The following FBXO42 variants were observed in gnomAD, a reference collection of about 807,000 sequenced individuals.
FBXO42 encodes F-box only protein 42.
In FBXO42, 12 loss-of-function variants were observed where a neutral mutation model predicts 71.7. That is an observed-to-expected ratio of 0.17 (90% CI 0.11 to 0.27). FBXO42 has a LOEUF of 0.27. FBXO42 is among the 10% of genes least tolerant of loss of function. The pLI is 1.00. For synonymous variants in FBXO42, 325 were observed against 327.5 expected, an observed-to-expected ratio of 0.99 and a Z score of 0.08; for missense variants, 707 against 911.9, an observed-to-expected ratio of 0.78 and a Z score of 2.89.
intron 3 of FBXO42, 39 bp from the exon 4 acceptor site, chr1:16,294,956 T>C (rs1557588872): frequency 1.3e-6 from 2 of 1,552,450 alleles, no homozygotes; most frequent in Non-Finnish European, 1.7e-6. Context: ...GTGAAAATTC[T>C]GAGGCCCTTC....
intron 4 of FBXO42, among the ~76,000 whole-genome samples, chr1:16,271,677 ACT>A (rs1179379263): frequency 2.0e-5 from 3 of 151,750 alleles, no homozygotes; most frequent in African/African-American, 4.8e-5. Context: ...AACATGCCAA[ACT>A]CTCTTACCTC....
Position 16,256,600 on chromosome 1 carries a change from A to C in FBXO42, c.656+6T>G. 6.2e-7 allele frequency: 1 copy of C among 1,613,154 alleles called. No homozygotes were observed. On this transcript the variant is annotated splice_donor_region_variant and intron_variant, in intron 5 of 9. Transcript: ENST00000375592. ...CAGATTTAAAGAGTTTATCTTTGTG[A>C]CTTACCAATTTTTAGAGGGTGAGTA...
intron 1 of FBXO42, among the ~76,000 whole-genome samples, chr1:16,339,397 C>T (rs1184161854): frequency 6.6e-6 from 1 of 152,144 alleles, no homozygotes; most frequent in Non-Finnish European, 1.5e-5. Context: ...ACTGCAACCT[C>T]CGCCACCTGG....
chr1:16,253,752 G>T, intron 6 of FBXO42, 21 bp from the exon 7 acceptor site: 2 of 1,610,778 alleles, frequency 1.2e-6, no homozygotes, highest in Non-Finnish European at 1.7e-6. Flanking sequence ...AGGACAGAAG[G>T]ATAAAGGTAG....
chr1:16,330,050 C>CCTT (rs1343567280), intron 1 of FBXO42, among the ~76,000 whole-genome samples: 1 of 152,210 alleles, frequency 6.6e-6, no homozygotes, highest in Non-Finnish European at 1.5e-5. Flanking sequence ...ATTTCCCCTA[C>CCTT]CTTCCTAACT....
chr1:16,328,866 A>G (rs1460344855), intron 1 of FBXO42, among the ~76,000 whole-genome samples: 1 of 152,140 alleles, frequency 6.6e-6, no homozygotes, highest in Non-Finnish European at 1.5e-5. Flanking sequence ...ACAAAACAAA[A>G]GAAAATTGAT....
chr1:16,307,144 A>G (rs1427702810), intron 2 of FBXO42, among the ~76,000 whole-genome samples: 2 of 152,234 alleles, frequency 1.3e-5, no homozygotes, highest in East Asian at 3.9e-4. Context: ...CACCCGCCTA[A>G]GCCTCCCAAA....
At chr1:16,336,515 G>A (rs1215364540) in intron 1 of FBXO42, among the ~76,000 whole-genome samples, 1 of 151,064 alleles carries the variant, frequency 6.6e-6, no homozygotes. Context: ...ACACCATCAC[G>A]CCTGGCTAAG....
chr1:16,263,617 T>G (rs1319656860), intron 4 of FBXO42, among the ~76,000 whole-genome samples: 2 of 147,616 alleles, frequency 1.4e-5, no homozygotes, highest in East Asian at 2.1e-4. Flanking sequence ...CAGCTTCTTG[T>G]GAGGCTGAGG....
At chr1:16,349,489 C>T (rs933878191) in intron 1 of FBXO42, among the ~76,000 whole-genome samples, 10 of 152,190 alleles carry the variant, frequency 6.6e-5, no homozygotes, top group African/African-American at 1.2e-4. Context: ...AGCACTTTCA[C>T]GAACACTATC....
rs76603856 is a variant in FBXO42, at chr1:16,307,909, A to C, written c.251-1990T>G. Reference sequence around the variant, plus strand: ...GCAATCCTAGTCAAAACCCCAGCAAATTATTTTGTGAATATCGACAAACTG... The same window carrying C: ...GCAATCCTAGTCAAAACCCCAGCAACTTATTTTGTGAATATCGACAAACTG... On this transcript the variant is annotated intron_variant, in intron 2 of 9. Transcript: ENST00000375592. 6.2e-3 allele frequency among the ~76,000 whole-genome samples: 942 copies of C among 152,262 alleles called. 5 individuals are homozygous for C. The highest frequency in any genetic ancestry group is 0.022 in the African/African-American group (903 of 41,546).
intron 1 of FBXO42, among the ~76,000 whole-genome samples, chr1:16,335,631 C>T (rs554173437): frequency 2.6e-5 from 4 of 152,018 alleles, no homozygotes; most frequent in East Asian, 1.9e-4. Context: ...TTTGGGAGGC[C>T]GAGGCGGGTG....
chr1:16,306,599 A>G (rs79086319), intron 2 of FBXO42, among the ~76,000 whole-genome samples: 3,928 of 152,320 alleles, frequency 0.026, 142 homozygotes, highest in African/African-American at 0.09. Context: ...TGTCTAGAAC[A>G]TAACAGGTGT....
At chr1:16,301,835 G>T (rs2082198486) in intron 3 of FBXO42, among the ~76,000 whole-genome samples, 1 of 152,022 alleles carries the variant, frequency 6.6e-6, no homozygotes, top group Admixed American at 6.6e-5. Context: ...AAATAGAGAT[G>T]TTGCCCAAAT....
In FBXO42 at chr1:16,247,887, A is replaced by AC. The variant is rs1296532178; in HGVS notation, c.*2782_*2783insG. The stretch of plus-strand genomic sequence containing the variant: ...GGGTAGGGAGAGACTAAAATTCTTA[A>AC]GTAAGATGGACAAGGTGACCAGTGA... On this transcript the variant is annotated 3_prime_UTR_variant, in exon 10 of 10. Coordinates refer to ENST00000375592, the MANE Select transcript of FBXO42 (RefSeq NM_018994.3). The AC allele has an allele frequency of 1.3e-5, 2 of 151,950 alleles. No individual in the cohort carries two copies. The highest frequency in any genetic ancestry group is 4.8e-5 in the African/African-American group (2 of 41,308). 9.4% of individuals were successfully genotyped at this position (151,950 alleles called of 1,614,324 possible). A position where few individuals can be genotyped will look rare whatever the true frequency, so the allele number is the denominator to read the frequency against.
At chr1:16,284,199 C>T (rs2081996902) in intron 4 of FBXO42, among the ~76,000 whole-genome samples, 1 of 152,174 alleles carries the variant, frequency 6.6e-6, no homozygotes, top group African/African-American at 2.4e-5. Flanking sequence ...TTGGCAAAGA[C>T]TACAATGTAC....
At position 16,252,612 on chromosome 1, in the gene FBXO42, C is replaced by T. The variant is rs1009680520; in HGVS notation, c.922-208G>A. Among the ~76,000 whole-genome samples the T allele has an allele frequency of 5.9e-5, 9 of 152,332 alleles. No homozygotes were observed. The South Asian group carries it at 8.3e-4, about 14-fold the overall frequency. ...TTCATATATTACCACTGGCTTAGCA[C>T]ATGGAATTGTGCTTGTGACCCATGA... On this transcript the variant is annotated intron_variant, in intron 8 of 9. Transcript: ENST00000375592. This position sits in a 1 kb window ranked among gnomAD's most constrained non-coding sequence, Gnocchi z 4.4.
chr1:16,341,372 C>T lies in FBXO42; in HGVS notation c.-18+10883G>A, dbSNP rs893986352. 2.3e-4 allele frequency among the ~76,000 whole-genome samples: 35 copies of T among 152,022 alleles called. 1 individual carries two copies. The highest frequency in any genetic ancestry group is 1.3e-4 in the Admixed American group (2 of 15,238). On this transcript the variant is annotated intron_variant, in intron 1 of 9. Coordinates refer to ENST00000375592, the MANE Select transcript of FBXO42 (RefSeq NM_018994.3). Reference sequence around the variant, plus strand: ...ATCCCAACACTTTGGGAGGCCGAGGCGGGCAGATCATGAGGTCAGGAGTTC... The same window carrying T: ...ATCCCAACACTTTGGGAGGCCGAGGTGGGCAGATCATGAGGTCAGGAGTTC...
chr1:16,331,251 A>C, intron 1 of FBXO42, among the ~76,000 whole-genome samples: 1 of 149,624 alleles, frequency 6.7e-6, no homozygotes, highest in Non-Finnish European at 1.5e-5. Flanking sequence ...GTCTCTACTA[A>C]AAATACAAAA....
Sources: allele counts gnomAD v4.1 joint callset (sites outside exome capture counted in the v4.1 genomes callset), GRCh38; gene constraint gnomAD v4.1.1; non-coding constraint Gnocchi (gnomAD v3.1); transcripts MANE v1.5; gene names NCBI Gene and HGNC (gene_info 2026-07-23, HGNC 2026-07-21).